Variants in CD79A observed in about 807,000 individuals in gnomAD.
CD79A encodes CD79a molecule.
Under a neutral mutation model 27.4 loss-of-function variants are expected in CD79A, and 16 were observed. The ratio of observed to expected loss-of-function variants is 0.58; its 90% CI spans 0.40 to 0.89. The LOEUF (loss-of-function observed/expected upper bound fraction) is 0.89. Ranked by LOEUF, CD79A falls within the 40% of genes least tolerant of loss-of-function variation. The pLI, the probability that CD79A is intolerant of heterozygous loss-of-function variation, is 0.00. For missense variants in CD79A, 237 were observed against 299.7 expected, an observed-to-expected ratio of 0.79 and a Z score of 1.55; for synonymous variants, 110 against 132.7, an observed-to-expected ratio of 0.83 and a Z score of 1.18.
At position 41,881,259 on chromosome 19, in the gene CD79A, T is replaced by C; in HGVS notation, c.*279T>C. The C allele has an allele frequency of 1.8e-6, 1 of 549,566 alleles. No individual in the cohort carries two copies. The highest frequency in any genetic ancestry group is 3.1e-5 in the Admixed American group (1 of 32,492). The allele number at this position is 549,566 out of a possible 1,614,324, so 34.0% of individuals were successfully genotyped here. On this transcript the variant is annotated 3_prime_UTR_variant, in exon 5 of 5. Transcript: ENST00000221972. ...AGGCTCCCCTCACCCCAGCGGGTAATGAGCCCTTAATCGCTGCCTCTAGGG... is the reference window on the plus strand; with the variant it reads ...AGGCTCCCCTCACCCCAGCGGGTAACGAGCCCTTAATCGCTGCCTCTAGGG...
chr19:41,880,917 C>T lies in CD79A; in HGVS notation c.618C>T (p.Leu206=). The T allele has an allele frequency of 6.2e-7, 1 of 1,605,264 alleles. No individual in the cohort carries two copies. The highest frequency in any genetic ancestry group is 1.1e-5 in the South Asian group (1 of 88,980). Residue 206 remains leucine (L), a synonymous_variant, in exon 5 of 5, where the codon CTC becomes CTT. Coordinates refer to ENST00000221972, the MANE Select transcript of CD79A (RefSeq NM_001783.4). The stretch of plus-strand genomic sequence containing the variant: ...TGTATGAGGACATCTCCCGGGGCCT[C>T]CAGGGCACCTACCAGGATGTGGGCA... ...CSMYEDISRG[L]QGTYQDVGSL...
rs1555843152 is a variant in CD79A, at chr19:41,877,461, A to C, written c.79+78A>C. On this transcript the variant is annotated intron_variant, in intron 1 of 4. Coordinates refer to ENST00000221972, the MANE Select transcript of CD79A (RefSeq NM_001783.4). The surrounding 1 kb of genome is among the most constrained non-coding windows in gnomAD (Gnocchi z 4.1). ...TGCAGAGAGGGCACAGGCAGAGGGA[A>C]GGGGGCTCAGGGAAAGGGGAAGAGG... 3 of 1,152,874 alleles carry C rather than the reference A, an allele frequency of 2.6e-6. No individual in the cohort carries two copies. The highest frequency in any genetic ancestry group is 3.9e-6 in the Non-Finnish European group (3 of 761,330). 71.4% of individuals were successfully genotyped at this position (1,152,874 alleles called of 1,614,324 possible). A position where few individuals can be genotyped will look rare whatever the true frequency, so the allele number is the denominator to read the frequency against.
At position 41,879,340 on chromosome 19, in the gene CD79A, C is replaced by T. The variant is rs570609502; in HGVS notation, c.379+51C>T. ...CTCCCACTGTCCCGCTGGGGACACT[C>T]GGTTTATCTTTGAAGTGGGGATAGA... On this transcript the variant is annotated intron_variant, in intron 2 of 4. Coordinates refer to ENST00000221972, the MANE Select transcript of CD79A (RefSeq NM_001783.4). This position sits in a 1 kb window ranked among gnomAD's most constrained non-coding sequence, Gnocchi z 5.1. 5.2e-6 allele frequency: 8 copies of T among 1,546,654 alleles called. No homozygotes were observed. The highest frequency in any genetic ancestry group is 2.3e-5 in the East Asian group (1 of 43,832).
chr19:41,879,698 C>A lies in CD79A; in HGVS notation c.498+45C>A. ...TGAGTCAGCCGGGCGAGGGCCTGGG[C>A]CGAGGGACCCCCAATACCCAGGTAG... On this transcript the variant is annotated intron_variant, in intron 3 of 4. Transcript: ENST00000221972. The surrounding 1 kb of genome is among the most constrained non-coding windows in gnomAD (Gnocchi z 5.1). The A allele has an allele frequency of 2.3e-6, 3 of 1,332,140 alleles. No individual in the cohort carries two copies. Among genetic ancestry groups the A allele is most frequent in the Non-Finnish European group, 3.2e-6 (3 of 930,588 alleles). The allele number at this position is 1,332,140 out of a possible 1,614,324, so 82.5% of individuals were successfully genotyped here. A position where few individuals can be genotyped will look rare whatever the true frequency, so the allele number is the denominator to read the frequency against.
chr19:41,880,612 C>A, intron 3 of CD79A, 58 bp from the exon 4 acceptor site: 1 of 1,330,204 alleles, frequency 7.5e-7, no homozygotes, highest in Non-Finnish European at 1.1e-6. Flanking sequence ...CCAGGAGGGT[C>A]TGAAAGATAT....
At position 41,878,981 on chromosome 19, in the gene CD79A, T is replaced by C; in HGVS notation, c.80-9T>C. On this transcript the variant is annotated splice_polypyrimidine_tract_variant and intron_variant, in intron 1 of 4. Coordinates refer to ENST00000221972, the MANE Select transcript of CD79A (RefSeq NM_001783.4). This position sits in a 1 kb window ranked among gnomAD's most constrained non-coding sequence, Gnocchi z 4.3. ...CAGTCCCTGACCCACCCACCCTGTC[T>C]CTCCACAGGCCCTGGGTGCCAGGCC... The C allele has an allele frequency of 1.0e-6, 1 of 990,022 alleles. No homozygotes were observed. Among genetic ancestry groups the C allele is most frequent in the Non-Finnish European group, 1.5e-6 (1 of 672,622 alleles). 61.3% of individuals were successfully genotyped at this position (990,022 alleles called of 1,614,324 possible).
rs1555843413 is a variant in CD79A, at chr19:41,878,936, G to C, written c.80-54G>C. 1 of 1,454,658 alleles carries C rather than the reference G, an allele frequency of 6.9e-7. No individual in the cohort carries two copies. Among genetic ancestry groups the C allele is most frequent in the East Asian group, 2.3e-5 (1 of 43,278 alleles). The allele number at this position is 1,454,658 out of a possible 1,614,324, so 90.1% of individuals were successfully genotyped here. ...GCTGGAACTGCAGGGGCCAGGGCTG[G>C]GGAAATGTGTCACCATCCCCAGTCC... is the stretch of plus-strand genomic sequence containing the variant. On this transcript the variant is annotated intron_variant, in intron 1 of 4. Coordinates refer to ENST00000221972, the MANE Select transcript of CD79A (RefSeq NM_001783.4). The surrounding 1 kb of genome is among the most constrained non-coding windows in gnomAD (Gnocchi z 4.3).
In CD79A at chr19:41,879,078, C is replaced by T. The variant is rs781858171; in HGVS notation, c.168C>T (p.His56=). 1.9e-6 allele frequency: 3 copies of T among 1,613,998 alleles called. No individual in the cohort carries two copies. Among genetic ancestry groups the T allele is most frequent in the Non-Finnish European group, 1.7e-6 (2 of 1,179,998 alleles). Reference sequence around the variant, plus strand: ...AAGACGCCCACTTCCAATGCCCGCACAATAGCAGCAACAACGCCAACGTCA... The same window carrying T: ...AAGACGCCCACTTCCAATGCCCGCATAATAGCAGCAACAACGCCAACGTCA... The part of the protein sequence containing the change: ...LGEDAHFQCP[H]NSSNNANVTW... The change falls in exon 2 of 5, where the codon CAC becomes CAT. Residue 56 remains histidine (H), a synonymous_variant. Transcript: ENST00000221972. This position sits in a 1 kb window ranked among gnomAD's most constrained non-coding sequence, Gnocchi z 5.1.
At position 41,879,569 on chromosome 19, in the gene CD79A, G is replaced by C; in HGVS notation, c.414G>C (p.Glu138Asp). 1.2e-6 allele frequency: 2 copies of C among 1,611,446 alleles called. No individual in the cohort carries two copies. The highest frequency in any genetic ancestry group is 1.7e-6 in the Non-Finnish European group (2 of 1,179,064). The change falls in exon 3 of 5, where the codon GAG (glutamate) becomes GAC (aspartate). Residue 138 changes from glutamate (E) to aspartate (D), a missense_variant. By Grantham distance (45) the Glu-to-Asp change is conservative (BLOSUM62 2). Coordinates refer to ENST00000221972, the MANE Select transcript of CD79A (RefSeq NM_001783.4). The surrounding 1 kb of genome is among the most constrained non-coding windows in gnomAD (Gnocchi z 5.1). Reference protein sequence around the residue: ...PPPRPFLDMGEGTKNRIITAE... With the variant: ...PPPRPFLDMGDGTKNRIITAE... ...CCAGGCCCTTCCTGGACATGGGGGA[G>C]GGCACCAAGAACCGAATCATCACAG...
chr19:41,877,391 G>T lies in CD79A; in HGVS notation c.79+8G>T, dbSNP rs782176112. 6.2e-7 allele frequency: 1 copy of T among 1,612,756 alleles called. No individual in the cohort carries two copies. The highest frequency in any genetic ancestry group is 8.5e-7 in the Non-Finnish European group (1 of 1,178,820). Reference sequence around the variant, plus strand: ...TGTCTGCTGTCTACCTGGGTATGTGGCCAAAGGGCAGGAACTGGCGGGAGG... The same window carrying T: ...TGTCTGCTGTCTACCTGGGTATGTGTCCAAAGGGCAGGAACTGGCGGGAGG... On this transcript the variant is annotated splice_region_variant and intron_variant, in intron 1 of 4. Transcript: ENST00000221972. The surrounding 1 kb of genome is among the most constrained non-coding windows in gnomAD (Gnocchi z 4.1).
In CD79A at chr19:41,877,459, G is replaced by C; in HGVS notation, c.79+76G>C. 1.7e-6 allele frequency: 2 copies of C among 1,204,598 alleles called. No homozygotes were observed. Among genetic ancestry groups the C allele is most frequent in the Non-Finnish European group, 2.5e-6 (2 of 807,774 alleles). The allele number at this position is 1,204,598 out of a possible 1,614,324, so 74.6% of individuals were successfully genotyped here. A position where few individuals can be genotyped will look rare whatever the true frequency, so the allele number is the denominator to read the frequency against. On this transcript the variant is annotated intron_variant, in intron 1 of 4. Transcript: ENST00000221972. The surrounding 1 kb of genome is among the most constrained non-coding windows in gnomAD (Gnocchi z 4.1). ...GCTGCAGAGAGGGCACAGGCAGAGG[G>C]AAGGGGGCTCAGGGAAAGGGGAAGA...
Position 41,878,959 on chromosome 19 carries a change from T to TC in CD79A, c.80-28dup. On this transcript the variant is annotated intron_variant, in intron 1 of 4. Transcript: ENST00000221972. This position sits in a 1 kb window ranked among gnomAD's most constrained non-coding sequence, Gnocchi z 4.3. The stretch of plus-strand genomic sequence containing the variant: ...TGGGGAAATGTGTCACCATCCCCAG[T>TC]CCCTGACCCACCCACCCTGTCTCTC... The TC allele has an allele frequency of 2.4e-6, 3 of 1,247,596 alleles. No individual in the cohort carries two copies. Among genetic ancestry groups the TC allele is most frequent in the Non-Finnish European group, 3.5e-6 (3 of 862,604 alleles). The allele number at this position is 1,247,596 out of a possible 1,614,324, so 77.3% of individuals were successfully genotyped here.
intron 4 of CD79A, 45 bp downstream of exon 4, chr19:41,880,783 T>C: frequency 1.2e-6 from 1 of 811,414 alleles, no homozygotes; most frequent in South Asian, 1.4e-5. Flanking sequence ...GTGTTAGGGG[T>C]GGGGGTGTTC....
rs782474640 is a variant in CD79A, at chr19:41,877,293, C to T, written c.-12C>T. The T allele has an allele frequency of 6.8e-6, 11 of 1,611,244 alleles. No homozygotes were observed. Among genetic ancestry groups the T allele is most frequent in the Non-Finnish European group, 9.3e-6 (11 of 1,177,354 alleles). The stretch of plus-strand genomic sequence containing the variant: ...CTGCTGCAACTCAAACTAACCAACC[C>T]ACTGGGAGAAGATGCCTGGGGGTCC... On this transcript the variant is annotated 5_prime_UTR_variant, in exon 1 of 5. Coordinates refer to ENST00000221972, the MANE Select transcript of CD79A (RefSeq NM_001783.4). The surrounding 1 kb of genome is among the most constrained non-coding windows in gnomAD (Gnocchi z 4.1).
In CD79A at chr19:41,879,162, C is replaced by T. The variant is rs782389366; in HGVS notation, c.252C>T (p.Gly84=). 2.2e-5 allele frequency: 36 copies of T among 1,613,932 alleles called. No individual in the cohort carries two copies. The highest frequency in any genetic ancestry group is 6.7e-5 in the African/African-American group (5 of 74,898). Reference sequence around the variant, plus strand: ...GGCCCCCTGAGTTCTTGGGCCCGGGCGAGGACCCCAATGGTACGCTGATCA... The same window carrying T: ...GGCCCCCTGAGTTCTTGGGCCCGGGTGAGGACCCCAATGGTACGCTGATCA... ...YTWPPEFLGP[G]EDPNGTLIIQ... Residue 84 remains glycine, a synonymous_variant, in exon 2 of 5, where the codon GGC becomes GGT. Coordinates refer to ENST00000221972, the MANE Select transcript of CD79A (RefSeq NM_001783.4). The surrounding 1 kb of genome is among the most constrained non-coding windows in gnomAD (Gnocchi z 5.1).
Position 41,877,801 on chromosome 19 carries a change from C to T in CD79A, c.79+418C>T, listed in dbSNP as rs1372795306. ...CAGGTGCCTCTCTCTGTTGGGAGTC[C>T]CTTCTCAGCACTGGGGGAATGGGTG... On this transcript the variant is annotated intron_variant, in intron 1 of 4. Coordinates refer to ENST00000221972, the MANE Select transcript of CD79A (RefSeq NM_001783.4). This position sits in a 1 kb window ranked among gnomAD's most constrained non-coding sequence, Gnocchi z 4.1. Among the ~76,000 whole-genome samples, 1 of 152,118 alleles carries T rather than the reference C, an allele frequency of 6.6e-6. No homozygotes were observed. Among genetic ancestry groups the T allele is most frequent in the African/African-American group, 2.4e-5 (1 of 41,416 alleles).
In CD79A at chr19:41,881,294, G is replaced by A; in HGVS notation, c.*314G>A. 1 of 494,156 alleles carries A rather than the reference G, an allele frequency of 2.0e-6. No homozygotes were observed. The highest frequency in any genetic ancestry group is 1.9e-5 in the African/African-American group (1 of 52,362). 30.6% of individuals were successfully genotyped at this position (494,156 alleles called of 1,614,324 possible). On this transcript the variant is annotated 3_prime_UTR_variant, in exon 5 of 5. Transcript: ENST00000221972. ...ATCGCTGCCTCTAGGGGAGCTGATTGTAGCAGCCTCGTTAGTGTCACCCCC... is the reference window on the plus strand; with the variant it reads ...ATCGCTGCCTCTAGGGGAGCTGATTATAGCAGCCTCGTTAGTGTCACCCCC...
chr19:41,878,132 A>C lies in CD79A; in HGVS notation c.79+749A>C, dbSNP rs2074199758. Among the ~76,000 whole-genome samples the C allele has an allele frequency of 6.6e-6, 1 of 151,922 alleles. No homozygotes were observed. Among genetic ancestry groups the C allele is most frequent in the African/African-American group, 2.4e-5 (1 of 41,326 alleles). ...CGGATTGGACACTGCAGCCAGCCTG[A>C]GCCGCCTCGTCTCACTCAGAGACAC... On this transcript the variant is annotated intron_variant, in intron 1 of 4. Coordinates refer to ENST00000221972, the MANE Select transcript of CD79A (RefSeq NM_001783.4). This position sits in a 1 kb window ranked among gnomAD's most constrained non-coding sequence, Gnocchi z 4.3.
rs1026969660 is a variant in CD79A at position 41,878,063 on chromosome 19, C to A, written c.79+680C>A. ...CCTACCTCCAGAAGAGGGGACTGGCCATGTGGGAGGCCTGGCTGAGAGCTG... is the reference window on the plus strand; with the variant it reads ...CCTACCTCCAGAAGAGGGGACTGGCAATGTGGGAGGCCTGGCTGAGAGCTG... On this transcript the variant is annotated intron_variant, in intron 1 of 4. Transcript: ENST00000221972. The surrounding 1 kb of genome is among the most constrained non-coding windows in gnomAD (Gnocchi z 4.3). 1.1e-4 allele frequency among the ~76,000 whole-genome samples: 16 copies of A among 152,152 alleles called. No homozygotes were observed. Among genetic ancestry groups the A allele is most frequent in the African/African-American group, 3.9e-4 (16 of 41,432 alleles).
Sources: gnomAD v4.1 joint callset for allele counts (sites outside exome capture counted in the v4.1 genomes callset) on GRCh38, gnomAD v4.1.1 for gene constraint, Gnocchi (gnomAD v3.1) non-coding constraint, MANE v1.5 for transcripts, NCBI Gene and HGNC (gene_info 2026-07-23, HGNC 2026-07-21) for gene names.